NTRK2: variants seen among roughly 807,000 people sequenced by gnomAD.
The protein encoded by NTRK2 is BDNF/NT-3 growth factors receptor.
Under a neutral mutation model 94.5 loss-of-function variants are expected in NTRK2, and 13 were observed. The ratio of observed to expected loss-of-function variants is 0.14; its 90% CI spans 0.09 to 0.22. NTRK2 has a LOEUF of 0.22. Ranked by LOEUF, NTRK2 falls within the 10% of genes least tolerant of loss-of-function variation. The pLI is 1.00. For missense variants in NTRK2, 639 were observed against 1,071.2 expected (o/e 0.60, Z 5.63); for synonymous variants, 372 against 407.4 (o/e 0.91, Z 1.05).
intron 12 of NTRK2, among the ~76,000 whole-genome samples, chr9:84,846,342 G>C (rs975567328): frequency 2.0e-5 from 3 of 152,198 alleles, no homozygotes; most frequent in Non-Finnish European, 4.4e-5. Flanking sequence ...TCAATAGAAT[G>C]CAGTTTTCCA....
In NTRK2 at chr9:84,726,315, C is replaced by T. The variant is rs1039101898; in HGVS notation, c.854-1339C>T. ...CAGTCTGGGCAACATGATGAAACCC[C>T]GTCTCTACTAGAAATACTAATATTA... On this transcript the variant is annotated intron_variant, in intron 8 of 18. Transcript: ENST00000277120. Among the ~76,000 whole-genome samples the T allele has an allele frequency of 9.2e-5, 14 of 152,236 alleles. No individual in the cohort carries two copies. In the South Asian group the frequency reaches 1.0e-3, roughly 11 times the overall value.
chr9:85,013,263 A>G (rs186768380), intron 17 of NTRK2, among the ~76,000 whole-genome samples: 9 of 152,304 alleles, frequency 5.9e-5, no homozygotes, highest in East Asian at 3.9e-4. Context: ...TCTGGCCACA[A>G]TGGCTCCAGG....
intron 14 of NTRK2, among the ~76,000 whole-genome samples, chr9:84,893,894 C>T (rs987610197): frequency 2.6e-5 from 4 of 152,134 alleles, no homozygotes; most frequent in African/African-American, 9.7e-5. Context: ...CAACAAGAAA[C>T]AGGTCACCCT....
chr9:84,921,605 C>G (rs1414013293), intron 14 of NTRK2, among the ~76,000 whole-genome samples: 2 of 152,142 alleles, frequency 1.3e-5, no homozygotes, highest in Admixed American at 6.5e-5. Context: ...TCTTTCCTGC[C>G]TGCACTGTTC....
At chr9:84,716,010 A>G (rs1004721201) in intron 6 of NTRK2, among the ~76,000 whole-genome samples, 2 of 152,208 alleles carry the variant, frequency 1.3e-5, no homozygotes, top group African/African-American at 2.4e-5. Context: ...TGGCAAATAC[A>G]TTTAAGAAAG....
At chr9:84,875,460 G>A (rs2076027830) in intron 14 of NTRK2, 2 of 1,062,338 alleles carry the variant, frequency 1.9e-6, no homozygotes, top group Admixed American at 5.4e-5. Context: ...TCTCATTTAG[G>A]GTCATCACTC....
intron 14 of NTRK2, among the ~76,000 whole-genome samples, chr9:84,881,755 T>C (rs1180125528): frequency 1.3e-5 from 2 of 152,238 alleles, no homozygotes; most frequent in Non-Finnish European, 2.9e-5. Context: ...CCCATTGCCA[T>C]GTCTGTTCAG....
chr9:84,924,283 GAAA>G (rs1564468888), intron 14 of NTRK2, among the ~76,000 whole-genome samples: 1 of 147,568 alleles, frequency 6.8e-6, no homozygotes, highest in East Asian at 2.0e-4. Context: ...AAGAAAGAAA[GAAA>G]GAAAGAAAGA....
chr9:84,898,160 A>G (rs2076816502), intron 14 of NTRK2, among the ~76,000 whole-genome samples: 1 of 151,626 alleles, frequency 6.6e-6, no homozygotes, highest in Non-Finnish European at 1.5e-5. Context: ...AGCTGATGAG[A>G]TTCATTATAA....
intron 12 of NTRK2, among the ~76,000 whole-genome samples, chr9:84,765,523 C>G (rs866154340): frequency 6.6e-6 from 1 of 152,282 alleles, no homozygotes. Flanking sequence ...ACTTGAGCGA[C>G]TTGCCTGAGG....
rs1823972900 is a variant in NTRK2, at chr9:84,955,263, T to C, written c.1938-20T>C. On this transcript the variant is annotated intron_variant, in intron 16 of 18. Transcript: ENST00000277120. ...GAAAATGCTGAGGCCCCCAGCTTCA[T>C]TCTCCATGTCCTTCCCCAGGGCACA... 6.3e-7 allele frequency: 1 copy of C among 1,577,030 alleles called. No individual in the cohort carries two copies.
chr9:84,719,944 C>G (rs1442183577), intron 6 of NTRK2, among the ~76,000 whole-genome samples: 1 of 146,296 alleles, frequency 6.8e-6, no homozygotes, highest in Non-Finnish European at 1.5e-5. Flanking sequence ...CACTTGAACT[C>G]AGGAGGCAGA....
At chr9:84,896,032 ACT>A (rs1194114119) in intron 14 of NTRK2, among the ~76,000 whole-genome samples, 2 of 151,398 alleles carry the variant, frequency 1.3e-5, no homozygotes, top group Non-Finnish European at 2.9e-5. Context: ...CTTTTCTCCC[ACT>A]CTGTCATACA....
At chr9:84,754,550 C>T (rs543196236) in intron 12 of NTRK2, among the ~76,000 whole-genome samples, 2 of 152,182 alleles carry the variant, frequency 1.3e-5, no homozygotes, top group African/African-American at 4.8e-5. Context: ...CTGAGATTAC[C>T]ACTGAAAAAC....
At chr9:84,908,307 G>T (rs1281232693) in intron 14 of NTRK2, among the ~76,000 whole-genome samples, 1 of 152,240 alleles carries the variant, frequency 6.6e-6, no homozygotes, top group Non-Finnish European at 1.5e-5. Flanking sequence ...CAGAGTAGAA[G>T]TGACTTGTCT....
rs148281654 is a variant in NTRK2 at position 84,828,093 on chromosome 9, G to A, written c.1397-32947G>A. On this transcript the variant is annotated intron_variant, in intron 12 of 18. Transcript: ENST00000277120. Reference sequence around the variant, plus strand: ...AGGTGTGATATTAATTTCTCTCAGAGGGACATGGATTTAATAGACTTTTTA... The same window carrying A: ...AGGTGTGATATTAATTTCTCTCAGAAGGACATGGATTTAATAGACTTTTTA... Among the ~76,000 whole-genome samples the A allele has an allele frequency of 6.0e-3, 916 of 152,270 alleles. 8 individuals are homozygous for A. Among genetic ancestry groups the A allele is most frequent in the Middle Eastern group, 0.027 (8 of 294 alleles).
rs1468451813 is a variant in NTRK2, at chr9:84,771,252, C to T, written c.1396+19167C>T. On this transcript the variant is annotated intron_variant, in intron 12 of 18. Transcript: ENST00000277120. ...GAGAGCAGGAGATGGAAATTTCTTT[C>T]GTGGCTCTCCCTTTGAGGTGGTCAC... Among the ~76,000 whole-genome samples, 7 of 152,122 alleles carry T rather than the reference C, an allele frequency of 4.6e-5. No homozygotes were observed. The East Asian group carries it at 9.6e-4, about 21-fold the overall frequency.
At chr9:84,705,056 A>G (rs2060960409) in intron 4 of NTRK2, among the ~76,000 whole-genome samples, 1 of 152,122 alleles carries the variant, frequency 6.6e-6, no homozygotes, top group South Asian at 2.1e-4. Context: ...ATGTATTAAA[A>G]GCTGTTTCTC....
intron 10 of NTRK2, among the ~76,000 whole-genome samples, chr9:84,742,507 G>T (rs2063723526): frequency 6.6e-6 from 1 of 152,194 alleles, no homozygotes; most frequent in African/African-American, 2.4e-5. Context: ...CATTCACAAG[G>T]ATGGGAGAAA....
Sources: gnomAD v4.1 joint callset for allele counts (sites outside exome capture counted in the v4.1 genomes callset) on GRCh38, gnomAD v4.1.1 for gene constraint, MANE v1.5 for transcripts, NCBI Gene and HGNC (gene_info 2026-07-23, HGNC 2026-07-21) for gene names.